Variants in HERC1 observed in about 807,000 individuals in gnomAD.
The protein encoded by HERC1 is HECT and RLD domain containing E3 ubiquitin protein ligase family member 1.
Under a neutral mutation model 554.3 loss-of-function variants are expected in HERC1, and 160 were observed. The ratio of observed to expected loss-of-function variants is 0.29; its 90% CI spans 0.25 to 0.33. The LOEUF is 0.33. Ranked by LOEUF, HERC1 falls within the 10% of genes least tolerant of loss-of-function variation. The pLI, the probability that HERC1 is intolerant of heterozygous loss-of-function variation, is 1.00. For missense variants in HERC1, 4,919 were observed against 5,918.5 expected (o/e 0.83, Z 5.54); for synonymous variants, 2,175 against 2,131.7 (o/e 1.02, Z -0.56).
At chr15:63,737,209 G>T (rs2074544544) in intron 12 of HERC1, among the ~76,000 whole-genome samples, 4 of 150,552 alleles carry the variant, frequency 2.7e-5, no homozygotes. Flanking sequence ...GCAGAGGGGG[G>T]AAAAGATGGA....
intron 14 of HERC1, among the ~76,000 whole-genome samples, chr15:63,731,242 T>G (rs1192670472): frequency 6.6e-6 from 1 of 152,192 alleles, no homozygotes; most frequent in Non-Finnish European, 1.5e-5. Flanking sequence ...GGCAGAAAAT[T>G]TGGTTTATGT....
rs534764339 is a variant in HERC1, at chr15:63,659,529, G to A, written c.9424+207C>T. On this transcript the variant is annotated intron_variant, in intron 47 of 77. Coordinates refer to ENST00000443617, the MANE Select transcript of HERC1 (RefSeq NM_003922.4). The stretch of plus-strand genomic sequence containing the variant: ...CAGCCTTCCAAAGTGCTGGGATTAC[G>A]AGCATAAGCCACCAAGCCCAGCCAA... Among the ~76,000 whole-genome samples, 33 of 152,156 alleles carry A rather than the reference G, an allele frequency of 2.2e-4. No homozygotes were observed. In the South Asian group the frequency reaches 6.0e-3, roughly 28 times the overall value.
intron 25 of HERC1, among the ~76,000 whole-genome samples, chr15:63,701,009 T>C (rs968467128): frequency 6.6e-6 from 1 of 151,898 alleles, no homozygotes; most frequent in African/African-American, 2.4e-5. Context: ...GCTCCTCACA[T>C]TGAACTTGTT....
intron 44 of HERC1, among the ~76,000 whole-genome samples, 194 bp downstream of exon 44, chr15:63,662,790 G>C (rs2070426027): frequency 6.6e-6 from 1 of 152,140 alleles, no homozygotes; most frequent in Admixed American, 6.5e-5. Flanking sequence ...ATCCCACAGA[G>C]AAAGCAAGAG....
chr15:63,749,577 C>T lies in HERC1; in HGVS notation c.2048-39G>A. On this transcript the variant is annotated intron_variant, in intron 9 of 77. Coordinates refer to ENST00000443617, the MANE Select transcript of HERC1 (RefSeq NM_003922.4). This position sits in a 1 kb window ranked among gnomAD's most constrained non-coding sequence, Gnocchi z 4.1. ...ATAAAGTATTATATAAAAGAAAAGC[C>T]AAATTCAAATGTAATATATTTACAC... is the stretch of plus-strand genomic sequence containing the variant. 1 of 1,570,530 alleles carries T rather than the reference C, an allele frequency of 6.4e-7. No homozygotes were observed. The highest frequency in any genetic ancestry group is 8.6e-7 in the Non-Finnish European group (1 of 1,159,560).
At chr15:63,625,592 G>A (rs2068267366) in intron 71 of HERC1, among the ~76,000 whole-genome samples, 1 of 151,748 alleles carries the variant, frequency 6.6e-6, no homozygotes, top group Non-Finnish European at 1.5e-5. Context: ...TACTCAGGAG[G>A]CTGAGGCAGG....
In HERC1 at chr15:63,706,837, A is replaced by AATT; in HGVS notation, c.4585-7_4585-6insAAT. The AATT allele has an allele frequency of 1.3e-6, 2 of 1,506,636 alleles. No homozygotes were observed. The highest frequency in any genetic ancestry group is 1.8e-6 in the Non-Finnish European group (2 of 1,112,208). The allele number at this position is 1,506,636 out of a possible 1,614,324, so 93.3% of individuals were successfully genotyped here. A position where few individuals can be genotyped will look rare whatever the true frequency, so the allele number is the denominator to read the frequency against. Reference sequence around the variant, plus strand: ...TCAACATTTCGTCTGCCACTCTATTAAAAGTAAAAAGTAAATAAATAAAAT... The same window carrying AATT: ...TCAACATTTCGTCTGCCACTCTATTAATTAAAGTAAAAAGTAAATAAATAAAAT... On this transcript the variant is annotated splice_polypyrimidine_tract_variant and splice_region_variant and intron_variant, in intron 24 of 77. Coordinates refer to ENST00000443617, the MANE Select transcript of HERC1 (RefSeq NM_003922.4).
At chr15:63,616,753 G>A (rs1362542782) in intron 74 of HERC1, 71 bp from the exon 75 acceptor site, 11 of 1,372,952 alleles carry the variant, frequency 8.0e-6, no homozygotes, top group Non-Finnish European at 1.0e-5. Flanking sequence ...AGCAACAACA[G>A]CTATAGCGTT....
intron 12 of HERC1, among the ~76,000 whole-genome samples, chr15:63,744,872 C>G (rs958239831): frequency 3.3e-5 from 5 of 152,158 alleles, no homozygotes; most frequent in African/African-American, 1.2e-4. Flanking sequence ...GTACCTGAAG[C>G]CAGAAAGTCT....
chr15:63,622,792 T>C (rs369588349), intron 74 of HERC1, 23 bp downstream of exon 74: 3 of 1,548,708 alleles, frequency 1.9e-6, no homozygotes, highest in Admixed American at 1.9e-5. Context: ...AGACATATAA[T>C]GAACACTTGC....
intron 50 of HERC1, among the ~76,000 whole-genome samples, chr15:63,655,171 T>C (rs906894887): frequency 2.0e-5 from 3 of 151,948 alleles, no homozygotes; most frequent in African/African-American, 7.3e-5. Context: ...CTGGCCAACA[T>C]GGCGAAACCC....
At chr15:63,780,768 A>T (rs1320945839) in intron 1 of HERC1, among the ~76,000 whole-genome samples, 2 of 152,186 alleles carry the variant, frequency 1.3e-5, no homozygotes, top group Non-Finnish European at 2.9e-5. Flanking sequence ...TGTAAGACCG[A>T]GCACAGCTAC....
Position 63,764,107 on chromosome 15 carries a change from G to A in HERC1, c.1015C>T (p.Leu339Phe). Reference protein sequence around the residue: ...LCSLYEAALCLFEEVCRMASD... With the variant: ...LCSLYEAALCFFEEVCRMASD... ...CGATTATTACGTACCTCTTCAAAGA[G>A]ACATAATGCTGCCTCGTAAAGGGAG... The change falls in exon 3 of 78, where the codon CTC (leucine) becomes TTC (phenylalanine). Residue 339 changes from leucine (L) to phenylalanine (F), a missense_variant. By Grantham distance (22) the Leu-to-Phe change is conservative. Coordinates refer to ENST00000443617, the MANE Select transcript of HERC1 (RefSeq NM_003922.4). 1 of 1,606,144 alleles carries A rather than the reference G, an allele frequency of 6.2e-7. No homozygotes were observed. The highest frequency in any genetic ancestry group is 8.5e-7 in the Non-Finnish European group (1 of 1,175,560).
intron 54 of HERC1, among the ~76,000 whole-genome samples, chr15:63,649,338 C>T (rs906752084): frequency 1.3e-5 from 2 of 151,578 alleles, no homozygotes; most frequent in African/African-American, 4.8e-5. Flanking sequence ...GGTGACAGAG[C>T]GAGACTCCTT....
chr15:63,750,959 A>G (rs2075221250), intron 8 of HERC1, among the ~76,000 whole-genome samples: 1 of 152,210 alleles, frequency 6.6e-6, no homozygotes, highest in African/African-American at 2.4e-5. Context: ...AAATGAGAAC[A>G]TATATTTGTA....
rs1205943240 is a variant in HERC1, at chr15:63,739,195, C to CT, written c.2521-4347dup. Among the ~76,000 whole-genome samples, 675 of 102,240 alleles carry CT rather than the reference C, an allele frequency of 6.6e-3. 14 individuals are homozygous for CT. The highest frequency in any genetic ancestry group is 0.017 in the African/African-American group (466 of 27,564). The allele number at this position is 102,240 out of a possible 152,430, so 67.1% of individuals were successfully genotyped here. A position where few individuals can be genotyped will look rare whatever the true frequency, so the allele number is the denominator to read the frequency against. On this transcript the variant is annotated intron_variant, in intron 12 of 77. Transcript: ENST00000443617. ...AAGACCTCCAACAACCACTAATATA[C>CT]TTTTTTTTTTTTTTTTTTTTTAGAT... is the stretch of plus-strand genomic sequence containing the variant.
At chr15:63,646,531 G>A (rs1394601361) in intron 55 of HERC1, among the ~76,000 whole-genome samples, 4 of 151,408 alleles carry the variant, frequency 2.6e-5, no homozygotes, top group East Asian at 1.9e-4. Context: ...GCTGGGCACC[G>A]TGGCTCACGC....
At chr15:63,723,045 TA>T in intron 19 of HERC1, 136 bp downstream of exon 19, 1 of 531,346 alleles carries the variant, frequency 1.9e-6, no homozygotes, top group Non-Finnish European at 3.0e-6. Context: ...ACAAATTGTT[TA>T]AAAATGTTAA....
chr15:63,674,328 ATC>A lies in HERC1; in HGVS notation c.7846+12_7846+13del. The A allele has an allele frequency of 6.4e-7, 1 of 1,551,470 alleles. No individual in the cohort carries two copies. The highest frequency in any genetic ancestry group is 1.2e-5 in the South Asian group (1 of 81,300). ...CAGCACAAAAGCAAAAAAAAAAAAAATCAGATAACATACCTTGCTTAATTTTG... is the reference window on the plus strand; with the variant it reads ...CAGCACAAAAGCAAAAAAAAAAAAAAAGATAACATACCTTGCTTAATTTTG... On this transcript the variant is annotated intron_variant, in intron 38 of 77. Coordinates refer to ENST00000443617, the MANE Select transcript of HERC1 (RefSeq NM_003922.4).
Sources: gnomAD v4.1 joint callset for allele counts (sites outside exome capture counted in the v4.1 genomes callset) on GRCh38, gnomAD v4.1.1 for gene constraint, Gnocchi (gnomAD v3.1) non-coding constraint, MANE v1.5 for transcripts, NCBI Gene and HGNC (gene_info 2026-07-23, HGNC 2026-07-21) for gene names.